DLC1: variants seen among roughly 807,000 people sequenced by gnomAD.
DLC1 encodes rho GTPase-activating protein 7.
In DLC1, 54 loss-of-function variants were observed where a neutral mutation model predicts 140.3. The observed-to-expected ratio is 0.38, with a 90% CI of 0.31 to 0.48. The LOEUF (loss-of-function observed/expected upper bound fraction) is 0.48. Ranked by LOEUF, DLC1 falls within the 20% of genes least tolerant of loss-of-function variation. The pLI, the probability that DLC1 is intolerant of heterozygous loss-of-function variation, is 0.96. For synonymous variants in DLC1, 986 were observed against 728.1 expected, an observed-to-expected ratio of 1.35 and a Z score of -5.70; for missense variants, 2,536 against 1,907.0, an observed-to-expected ratio of 1.33 and a Z score of -6.14.
Position 13,496,543 on chromosome 8 carries a change from GA to G in DLC1, c.1023+2505del, listed in dbSNP as rs543875638. ...TTCACATATTATTCAGCCATACAGA[GA>G]GGTTTATATTACTATCTACATTCAT... On this transcript the variant is annotated intron_variant, in intron 2 of 17. Coordinates refer to ENST00000276297, the MANE Select transcript of DLC1 (RefSeq NM_182643.3). Among the ~76,000 whole-genome samples, 510 of 151,492 alleles carry G rather than the reference GA, an allele frequency of 3.4e-3. 3 individuals carry two copies. The highest frequency in any genetic ancestry group is 0.012 in the African/African-American group (497 of 41,282).
chr8:13,090,366 G>T lies in DLC1; in HGVS notation c.3960C>A (p.Asp1320Glu), dbSNP rs201886146. ...LGHLGNDDSADYQHFLQDCVD... is the reference protein window; with the variant it reads ...LGHLGNDDSAEYQHFLQDCVD... ...CACAGTCCTGGAGGAAGTGTTGGTA[G>T]TCAGCTGAGTCATCATTACCCAGGT... The change falls in exon 15 of 18, where the codon GAC becomes GAA. Residue 1320 changes from aspartate to glutamate, a missense_variant. Physicochemically the swap from Asp to Glu is conservative, Grantham distance 45 (BLOSUM62 2). Coordinates refer to ENST00000276297, the MANE Select transcript of DLC1 (RefSeq NM_182643.3). 117 of 1,614,090 alleles carry T rather than the reference G, an allele frequency of 7.2e-5. No homozygotes were observed. The highest frequency in any genetic ancestry group is 1.1e-5 in the Non-Finnish European group (13 of 1,180,054).
In DLC1 at chr8:13,447,179, A is replaced by G. The variant is rs189899070; in HGVS notation, c.1024-45560T>C. Among the ~76,000 whole-genome samples the G allele has an allele frequency of 9.0e-3, 1,374 of 152,294 alleles. 12 individuals carry two copies. The highest frequency in any genetic ancestry group is 0.017 in the Admixed American group (259 of 15,298). ...TTGTTTTCCAAATGTTGATTTTTGG[A>G]ATGAGAATATAGTTAATTTTTCTAT... On this transcript the variant is annotated intron_variant, in intron 2 of 17. Transcript: ENST00000276297.
intron 2 of DLC1, among the ~76,000 whole-genome samples, chr8:13,474,734 T>C (rs1466652371): frequency 5.9e-5 from 9 of 152,184 alleles, no homozygotes; most frequent in African/African-American, 1.9e-4. Flanking sequence ...GCTTTGGAGT[T>C]TTAAGATGTG....
At chr8:13,597,912 A>G (rs1019299044) in intron 1 of DLC1, among the ~76,000 whole-genome samples, 2 of 152,092 alleles carry the variant, frequency 1.3e-5, no homozygotes, top group African/African-American at 2.4e-5. Flanking sequence ...CTATGCAACA[A>G]CTAAATTTAG....
intron 5 of DLC1, among the ~76,000 whole-genome samples, chr8:13,209,674 G>C (rs536528405): frequency 6.6e-6 from 1 of 152,004 alleles, no homozygotes; most frequent in Non-Finnish European, 1.5e-5. Context: ...TACTGTCCTC[G>C]TGATAGTCAA....
intron 1 of DLC1, among the ~76,000 whole-genome samples, chr8:13,599,545 G>A (rs1585318755): frequency 6.6e-6 from 1 of 151,828 alleles, no homozygotes; most frequent in African/African-American, 2.4e-5. Flanking sequence ...CAATGAAGAA[G>A]GCATGAACAA....
At chr8:13,567,020 C>A (rs537888309) in intron 1 of DLC1, 11 of 1,550,316 alleles carry the variant, frequency 7.1e-6, no homozygotes, top group Non-Finnish European at 9.6e-6. Context: ...TTGGCCCAAA[C>A]GGACAAAAGT....
chr8:13,516,494 T>C (rs963139429), upstream of DLC1, among the ~76,000 whole-genome samples: 1 of 152,152 alleles, frequency 6.6e-6, no homozygotes, highest in Non-Finnish European at 1.5e-5. Context: ...CCTTATTAGG[T>C]AGCTAAAATC....
chr8:13,284,971 A>G (rs1831491040), intron 5 of DLC1, among the ~76,000 whole-genome samples: 1 of 152,218 alleles, frequency 6.6e-6, no homozygotes, highest in Admixed American at 6.5e-5. Context: ...GATTCAACAC[A>G]AGACCATTAA....
intron 4 of DLC1, among the ~76,000 whole-genome samples, chr8:13,388,175 C>A (rs1473988247): frequency 6.6e-6 from 1 of 152,042 alleles, no homozygotes; most frequent in African/African-American, 2.4e-5. Context: ...TACTCCCAAT[C>A]AGACTGTCTT....
chr8:13,306,862 T>C (rs909101578), intron 4 of DLC1, among the ~76,000 whole-genome samples: 4 of 151,422 alleles, frequency 2.6e-5, no homozygotes, highest in Admixed American at 6.6e-5. Context: ...GGCGGGTGGA[T>C]CACCTGAGGT....
rs373166406 is a variant in DLC1, at chr8:13,090,477, G to A, written c.3856-7C>T. On this transcript the variant is annotated splice_region_variant and splice_polypyrimidine_tract_variant and intron_variant, in intron 14 of 17. Coordinates refer to ENST00000276297, the MANE Select transcript of DLC1 (RefSeq NM_182643.3). Reference sequence around the variant, plus strand: ...GGCTCATTTCCTCGGGAACCTGTGCGGAACATGACAGACAGAAAGGAGGTG... The same window carrying A: ...GGCTCATTTCCTCGGGAACCTGTGCAGAACATGACAGACAGAAAGGAGGTG... 2.2e-5 allele frequency: 36 copies of A among 1,613,202 alleles called. No homozygotes were observed. The highest frequency in any genetic ancestry group is 9.9e-5 in the South Asian group (9 of 90,976).
chr8:13,091,516 G>T, intron 13 of DLC1, 84 bp from the exon 14 acceptor site: 1 of 1,284,230 alleles, frequency 7.8e-7, no homozygotes, highest in Non-Finnish European at 1.1e-6. Flanking sequence ...ACCCAAAGAA[G>T]AGAGAAAAAA....
intron 1 of DLC1, chr8:13,568,118 T>TA: frequency 1.3e-6 from 1 of 751,020 alleles, no homozygotes; most frequent in Non-Finnish European, 2.0e-6. Flanking sequence ...GGAATAGTTA[T>TA]AAAAACTTTT....
chr8:13,086,092 AC>A (rs1320886759), intron 17 of DLC1, 161 bp from the exon 18 acceptor site: 5 of 1,368,914 alleles, frequency 3.7e-6, no homozygotes, highest in Non-Finnish European at 4.8e-6. Context: ...CTTTAGAACC[AC>A]ATTTTCTAAG....
chr8:13,527,831 C>A (rs1358640726), intron 1 of DLC1, among the ~76,000 whole-genome samples: 1 of 152,082 alleles, frequency 6.6e-6, no homozygotes, highest in Non-Finnish European at 1.5e-5. Context: ...TTTAGAGAAT[C>A]CTTAGCTTTA....
chr8:13,140,837 G>C (rs1190881424), intron 5 of DLC1, among the ~76,000 whole-genome samples: 1 of 152,148 alleles, frequency 6.6e-6, no homozygotes, highest in African/African-American at 2.4e-5. Context: ...TTACTAGATA[G>C]GGTTTTTGGC....
Position 13,100,264 on chromosome 8 carries a change from C to T in DLC1, c.2073G>A (p.Gly691=), listed in dbSNP as rs747984384. 1 of 1,614,134 alleles carries T rather than the reference C, an allele frequency of 6.2e-7. No individual in the cohort carries two copies. Among genetic ancestry groups the T allele is most frequent in the Non-Finnish European group, 8.5e-7 (1 of 1,180,034 alleles). The change falls in exon 9 of 18, where the codon GGG becomes GGA. Residue 691 remains glycine, a synonymous_variant. Transcript: ENST00000276297. ...GCAAGATGGGCCCGCTGATGATCAA[C>T]CCCAGCTTTGAGGGCGCTTTGTGCT... ...HSKHKAPSKL[G]LIISGPILQE... is the part of the protein sequence containing the mutation.
chr8:13,567,347 T>G, intron 1 of DLC1: 1 of 1,551,620 alleles, frequency 6.4e-7, no homozygotes, highest in East Asian at 2.4e-5. Context: ...GATGAAGAAT[T>G]GAATGCCCTG....
Sources: allele counts gnomAD v4.1 joint callset (sites outside exome capture counted in the v4.1 genomes callset), GRCh38; gene constraint gnomAD v4.1.1; transcripts MANE v1.5; gene names NCBI Gene and HGNC (gene_info 2026-07-23, HGNC 2026-07-21).